The following SLC3A1 variants were observed in gnomAD, a reference collection of about 807,000 sequenced individuals.
SLC3A1 encodes the protein solute carrier family 3 member 1, also known as amino acid transporter heavy chain SLC3A1.
Under a neutral mutation model 60.3 loss-of-function variants are expected in SLC3A1, and 78 were observed. The ratio of observed to expected loss-of-function variants is 1.29; its 90% CI spans 1.08 to 1.56. The LOEUF (loss-of-function observed/expected upper bound fraction) is 1.56, where lower values mean the gene tolerates loss of function less well. Among genes scored for constraint, SLC3A1 ranks in the 40% most tolerant of loss-of-function variants. The pLI, the probability that SLC3A1 is intolerant of heterozygous loss-of-function variation, is 0.00. For synonymous variants in SLC3A1, 392 were observed against 307.9 expected (o/e 1.27, Z -2.86); for missense variants, 1,172 against 858.9 (o/e 1.36, Z -4.56).
chr2:44,285,844 T>C lies in SLC3A1; in HGVS notation c.766-188T>C. On this transcript the variant is annotated intron_variant, in intron 3 of 9. Coordinates refer to ENST00000260649, the MANE Select transcript of SLC3A1 (RefSeq NM_000341.4). ...ACTGTAAAAATACGTTGCAACCATG[T>C]TTGTGAGGCATTAGGCCAATGGGGT... 5 of 733,856 alleles carry C rather than the reference T, an allele frequency of 6.8e-6. No homozygotes were observed. The South Asian group carries it at 7.4e-5, about 11-fold the overall frequency. 45.5% of individuals were successfully genotyped at this position (733,856 alleles called of 1,614,324 possible). A position where few individuals can be genotyped will look rare whatever the true frequency, so the allele number is the denominator to read the frequency against.
Position 44,281,425 on chromosome 2 carries a change from A to C in SLC3A1, c.649A>C (p.Ser217Arg). ...LIIDFIPNHT[S>R]DKHIWFQLSR... is the part of the protein sequence containing the mutation. ...CATCGATTTCATACCAAACCACACG[A>C]GTGATAAACATATTTGGTTTCAATT... is the stretch of plus-strand genomic sequence containing the variant. Residue 217 changes from serine to arginine, a missense_variant, in exon 3 of 10, where the codon AGT (serine) becomes CGT (arginine). Coordinates refer to ENST00000260649, the MANE Select transcript of SLC3A1 (RefSeq NM_000341.4). The C allele has an allele frequency of 1.9e-6, 3 of 1,613,414 alleles. No individual in the cohort carries two copies. Among genetic ancestry groups the C allele is most frequent in the Non-Finnish European group, 2.5e-6 (3 of 1,179,332 alleles).
At chr2:44,319,469 T>C (rs1164648143) in intron 9 of SLC3A1, 1 of 152,246 alleles carries the variant, frequency 6.6e-6, no homozygotes, top group Non-Finnish European at 1.5e-5. Context: ...GTACAACCGT[T>C]CAACAGAATA....
chr2:44,300,445 T>C (rs1056237878), intron 5 of SLC3A1, among the ~76,000 whole-genome samples: 2 of 152,214 alleles, frequency 1.3e-5, no homozygotes, highest in African/African-American at 4.8e-5. Flanking sequence ...TTGGATGAGA[T>C]GTAATTTTTT....
intron 5 of SLC3A1, 41 bp from the exon 6 acceptor site, chr2:44,300,962 T>C (rs1301776327): frequency 1.2e-6 from 2 of 1,612,472 alleles, no homozygotes; most frequent in African/African-American, 2.7e-5. Context: ...GGGCATGCAA[T>C]GTATGAAATG....
chr2:44,306,550 CTTTTTT>C (rs11290172), intron 7 of SLC3A1, among the ~76,000 whole-genome samples: 10 of 101,118 alleles, frequency 9.9e-5, no homozygotes, highest in African/African-American at 2.9e-4. Flanking sequence ...TACCATAAAA[CTTTTTT>C]TTTTTTTTTT....
intron 7 of SLC3A1, among the ~76,000 whole-genome samples, chr2:44,305,674 C>G (rs1046100447): frequency 1.3e-5 from 2 of 152,064 alleles, no homozygotes; most frequent in African/African-American, 4.8e-5. Flanking sequence ...GATCCACCCC[C>G]ACCTCAGCCT....
At chr2:44,290,886 A>T (rs1262783993) in intron 4 of SLC3A1, among the ~76,000 whole-genome samples, 1 of 151,162 alleles carries the variant, frequency 6.6e-6, no homozygotes, top group Non-Finnish European at 1.5e-5. Context: ...TAGCCTGTGG[A>T]CTCTCCTCTT....
chr2:44,315,005 C>CAAG, intron 9 of SLC3A1: 1 of 131,182 alleles, frequency 7.6e-6, no homozygotes, highest in East Asian at 2.4e-4. Flanking sequence ...GGTCTTGGCT[C>CAAG]ACCGCAACCT....
intron 9 of SLC3A1, 80 bp downstream of exon 9, chr2:44,314,031 T>G (rs148887729): frequency 6.2e-7 from 1 of 1,600,812 alleles, no homozygotes; most frequent in East Asian, 2.3e-5. Context: ...TCACCCTGAA[T>G]GTGTCTAAAC....
intron 6 of SLC3A1, 41 bp from the exon 7 acceptor site, chr2:44,304,102 T>C: frequency 1.3e-6 from 2 of 1,546,104 alleles, no homozygotes; most frequent in Non-Finnish European, 1.8e-6. Context: ...CCCAGTCTTC[T>C]GACAGGCCCC....
chr2:44,319,510 T>A (rs1053354307), intron 9 of SLC3A1: 10 of 152,276 alleles, frequency 6.6e-5, no homozygotes, highest in Non-Finnish European at 1.3e-4. Flanking sequence ...GGAGGCTATA[T>A]TATATAGTCA....
chr2:44,287,485 C>T (rs1671645250), intron 4 of SLC3A1, among the ~76,000 whole-genome samples: 1 of 152,090 alleles, frequency 6.6e-6, no homozygotes, highest in Non-Finnish European at 1.5e-5. Context: ...ACAGGATGTC[C>T]AGTTAAATTT....
At chr2:44,290,121 G>A (rs546393351) in intron 4 of SLC3A1, among the ~76,000 whole-genome samples, 1 of 115,228 alleles carries the variant, frequency 8.7e-6, no homozygotes, top group East Asian at 2.1e-4. Context: ...TAAGCTGTCC[G>A]ACTTTTTTTT....
intron 9 of SLC3A1, among the ~76,000 whole-genome samples, chr2:44,315,397 C>A (rs1193649271): frequency 6.6e-6 from 1 of 151,368 alleles, no homozygotes; most frequent in Non-Finnish European, 1.5e-5. Flanking sequence ...AGCTGTAATC[C>A]CAGCATTTTG....
chr2:44,320,542 A>G lies in SLC3A1; in HGVS notation c.1961A>G (p.Asn654Ser). 1 of 1,614,102 alleles carries G rather than the reference A, an allele frequency of 6.2e-7. No homozygotes were observed. The highest frequency in any genetic ancestry group is 8.5e-7 in the Non-Finnish European group (1 of 1,179,936). The change falls in exon 10 of 10, where the codon AAT becomes AGT. Residue 654 changes from asparagine (N) to serine (S), a missense_variant. By Grantham distance (46) the Asn-to-Ser change is conservative. Transcript: ENST00000260649. ...EGLIFEHNTK[N>S]LLHRQTAFRD... Reference sequence around the variant, plus strand: ...CTCATCTTTGAACACAACACGAAGAATCTCCTTCATCGCCAAACAGCTTTC... The same window carrying G: ...CTCATCTTTGAACACAACACGAAGAGTCTCCTTCATCGCCAAACAGCTTTC...
At chr2:44,285,646 G>T (rs77776949) in intron 3 of SLC3A1, 142 of 479,024 alleles carry the variant, frequency 3.0e-4, no homozygotes, top group African/African-American at 2.6e-3. Context: ...CAAGATGAGC[G>T]GAATGTTTCT....
At chr2:44,276,021 C>G in intron 1 of SLC3A1, 56 bp downstream of exon 1, 2 of 1,543,764 alleles carry the variant, frequency 1.3e-6, no homozygotes, top group Non-Finnish European at 1.8e-6. Context: ...GTTTATGGTT[C>G]TTTTGTTCTT....
chr2:44,310,129 A>G (rs1238084166), intron 7 of SLC3A1, among the ~76,000 whole-genome samples: 1 of 152,128 alleles, frequency 6.6e-6, no homozygotes, highest in African/African-American at 2.4e-5. Context: ...CCTGAGCTCA[A>G]GTGATCTTCC....
rs369498951 is a variant in SLC3A1, at chr2:44,321,458, C to T, written c.*819C>T. 4.0e-5 allele frequency: 65 copies of T among 1,608,288 alleles called. No individual in the cohort carries two copies. Among genetic ancestry groups the T allele is most frequent in the Middle Eastern group, 1.7e-4 (1 of 6,042 alleles). ...TTTGGGCTGTAATCTAAAAGAAACACATTAAAAAAATTAAATAGAAGGCCT... is the reference window on the plus strand; with the variant it reads ...TTTGGGCTGTAATCTAAAAGAAACATATTAAAAAAATTAAATAGAAGGCCT... On this transcript the variant is annotated 3_prime_UTR_variant, in exon 10 of 10. Transcript: ENST00000260649.
Sources: allele counts gnomAD v4.1 joint callset (sites outside exome capture counted in the v4.1 genomes callset), GRCh38; gene constraint gnomAD v4.1.1; transcripts MANE v1.5; gene names NCBI Gene and HGNC (gene_info 2026-07-23, HGNC 2026-07-21).